Variants in HS6ST3 observed in about 807,000 individuals in gnomAD.
The protein encoded by HS6ST3 is heparan sulfate 6-O-sulfotransferase 3.
Under a neutral mutation model 36.7 loss-of-function variants are expected in HS6ST3, and 12 were observed. The observed-to-expected ratio is 0.33, with a 90% CI of 0.21 to 0.53. HS6ST3 has a LOEUF of 0.53. HS6ST3 is among the 20% of genes least tolerant of loss of function. HS6ST3 has a pLI of 0.95. For missense variants in HS6ST3, 584 were observed against 640.9 expected (o/e 0.91, Z 0.96); for synonymous variants, 240 against 257.5 (o/e 0.93, Z 0.65).
chr13:96,421,288 A>G (rs565035530), intron 1 of HS6ST3, among the ~76,000 whole-genome samples: 6 of 152,282 alleles, frequency 3.9e-5, no homozygotes, highest in Non-Finnish European at 8.8e-5. Context: ...GAGATTCGTA[A>G]ATTGTTTTGT....
At chr13:96,291,058 T>C (rs527823723) in intron 1 of HS6ST3, among the ~76,000 whole-genome samples, 2 of 152,340 alleles carry the variant, frequency 1.3e-5, no homozygotes, top group South Asian at 4.1e-4. Flanking sequence ...TAAACATTCT[T>C]AAACTCATCC....
At chr13:96,251,301 A>C (rs1341499576) in intron 1 of HS6ST3, among the ~76,000 whole-genome samples, 1 of 152,042 alleles carries the variant, frequency 6.6e-6, no homozygotes, top group African/African-American at 2.4e-5. Context: ...CTGCTTCTTC[A>C]TGGTTCAATC....
At chr13:96,712,651 C>CA (rs1875590833) in intron 1 of HS6ST3, among the ~76,000 whole-genome samples, 1 of 152,170 alleles carries the variant, frequency 6.6e-6, no homozygotes, top group African/African-American at 2.4e-5. Context: ...CAAGGTGACT[C>CA]AATTTCATAT....
intron 1 of HS6ST3, among the ~76,000 whole-genome samples, chr13:96,263,139 C>T (rs926412921): frequency 1.1e-4 from 16 of 152,058 alleles, no homozygotes; most frequent in African/African-American, 3.9e-4. Flanking sequence ...CTGTTAAAAC[C>T]TCATGTGATG....
chr13:96,431,961 C>T (rs757366549), intron 1 of HS6ST3, among the ~76,000 whole-genome samples: 12 of 152,178 alleles, frequency 7.9e-5, no homozygotes, highest in Non-Finnish European at 1.8e-4. Flanking sequence ...TCTGCTTACT[C>T]CATTTCATTC....
chr13:96,635,825 G>T (rs895582499), intron 1 of HS6ST3, among the ~76,000 whole-genome samples: 7 of 152,064 alleles, frequency 4.6e-5, no homozygotes, highest in Non-Finnish European at 8.8e-5. Context: ...AGCCCACACT[G>T]GATGTGGGAG....
chr13:96,214,389 G>T (rs2054413889), intron 1 of HS6ST3, among the ~76,000 whole-genome samples: 1 of 152,128 alleles, frequency 6.6e-6, no homozygotes, highest in South Asian at 2.1e-4. Flanking sequence ...CTCTCTTGGG[G>T]AGTAGCCCTG....
intron 1 of HS6ST3, among the ~76,000 whole-genome samples, chr13:96,418,598 C>A (rs540694844): frequency 6.6e-6 from 1 of 152,132 alleles, no homozygotes; most frequent in East Asian, 1.9e-4. Context: ...CTGCCTATAA[C>A]CTGGTAGGTG....
At chr13:96,478,585 T>G (rs776580542) in intron 1 of HS6ST3, among the ~76,000 whole-genome samples, 2 of 152,072 alleles carry the variant, frequency 1.3e-5, no homozygotes, top group Non-Finnish European at 2.9e-5. Context: ...GTGTTTCCAT[T>G]GCTGCCATCA....
intron 1 of HS6ST3, among the ~76,000 whole-genome samples, chr13:96,586,214 A>G (rs546002138): frequency 6.8e-4 from 104 of 152,266 alleles, no homozygotes; most frequent in African/African-American, 2.4e-3. Context: ...TAACTGGAGT[A>G]AAAAGATATC....
chr13:96,641,929 A>C (rs532906668), intron 1 of HS6ST3, among the ~76,000 whole-genome samples: 1 of 151,414 alleles, frequency 6.6e-6, no homozygotes, highest in Non-Finnish European at 1.5e-5. Flanking sequence ...AGCAACAAAC[A>C]AAAAACATTT....
In HS6ST3 at chr13:96,143,363, C is replaced by T. The variant is rs569820008; in HGVS notation, c.707+51794C>T. 2.9e-3 allele frequency among the ~76,000 whole-genome samples: 428 copies of T among 150,144 alleles called. 1 individual carries two copies. The highest frequency in any genetic ancestry group is 5.2e-3 in the Non-Finnish European group (354 of 67,554). On this transcript the variant is annotated intron_variant, in intron 1 of 1. Coordinates refer to ENST00000376705, the MANE Select transcript of HS6ST3 (RefSeq NM_153456.4). ...TATCTGATATATATTCTTGAAACTA[C>T]CTTGTCTGTTAAAAAATATATAAAC...
intron 1 of HS6ST3, among the ~76,000 whole-genome samples, chr13:96,437,218 G>A (rs1214467091): frequency 6.6e-6 from 1 of 152,104 alleles, no homozygotes; most frequent in Non-Finnish European, 1.5e-5. Flanking sequence ...TCCAGATCAG[G>A]CCCATTCTCC....
At chr13:96,502,417 G>T (rs1003818129) in intron 1 of HS6ST3, among the ~76,000 whole-genome samples, 2 of 144,440 alleles carry the variant, frequency 1.4e-5, no homozygotes, top group Non-Finnish European at 3.0e-5. Flanking sequence ...CAGATCACAA[G>T]TTCTGATATG....
At chr13:96,472,180 G>A (rs9513150) in intron 1 of HS6ST3, among the ~76,000 whole-genome samples, 47,786 of 152,126 alleles carry the variant, frequency 0.31, 8,852 homozygotes, top group African/African-American at 0.49. Context: ...GTGGAAAGGA[G>A]TAAGAATTGG....
At chr13:96,494,709 A>C (rs2138908315) in intron 1 of HS6ST3, among the ~76,000 whole-genome samples, 1 of 152,132 alleles carries the variant, frequency 6.6e-6, no homozygotes, top group East Asian at 1.9e-4. Context: ...AGATAAGAAA[A>C]AGATAAAATA....
intron 1 of HS6ST3, among the ~76,000 whole-genome samples, chr13:96,428,691 G>A (rs1358184681): frequency 6.6e-6 from 1 of 152,126 alleles, no homozygotes; most frequent in African/African-American, 2.4e-5. Flanking sequence ...TGAATTTGGG[G>A]GTGGCAATTC....
intron 1 of HS6ST3, among the ~76,000 whole-genome samples, chr13:96,513,046 T>C (rs546982126): frequency 6.6e-6 from 1 of 152,246 alleles, no homozygotes; most frequent in South Asian, 2.1e-4. Context: ...GATTCTAAAG[T>C]TATTGAAAAA....
At chr13:96,529,892 A>G (rs2056128862) in intron 1 of HS6ST3, among the ~76,000 whole-genome samples, 2 of 152,170 alleles carry the variant, frequency 1.3e-5, no homozygotes, top group African/African-American at 4.8e-5. Context: ...CCATTATTCT[A>G]GAGGTTGCTG....
Sources: gnomAD v4.1 joint callset for allele counts (sites outside exome capture counted in the v4.1 genomes callset) on GRCh38, gnomAD v4.1.1 for gene constraint, MANE v1.5 for transcripts, NCBI Gene and HGNC (gene_info 2026-07-23, HGNC 2026-07-21) for gene names.